Variants in ITM2C observed in about 807,000 individuals in gnomAD.
ITM2C encodes integral membrane protein 2C.
ITM2C carries 20 observed loss-of-function variants against 30.0 expected under a neutral mutation model. That is an observed-to-expected ratio of 0.67 (90% CI 0.47 to 0.97). The LOEUF (loss-of-function observed/expected upper bound fraction) is 0.97. ITM2C is among the 50% of genes least tolerant of loss of function. ITM2C has a pLI of 0.00. For synonymous variants in ITM2C, 167 were observed against 156.4 expected, an observed-to-expected ratio of 1.07 and a Z score of -0.51; for missense variants, 366 against 371.9, an observed-to-expected ratio of 0.98 and a Z score of 0.13.
rs1336364380 is a variant in ITM2C, at chr2:230,873,539, A to G, written c.243A>G (p.Arg81=). The G allele has an allele frequency of 6.2e-7, 1 of 1,608,254 alleles. No homozygotes were observed. Among genetic ancestry groups the G allele is most frequent in the Admixed American group, 1.7e-5 (1 of 58,976 alleles). Residue 81 remains arginine, a synonymous_variant, in exon 2 of 6, where the codon AGA becomes AGG. Transcript: ENST00000326427. ...GLVFASVYIY[R]YFFLAQLARD... The stretch of plus-strand genomic sequence containing the variant: ...TGTTCGCCTCTGTCTACATCTACAG[A>G]TACTTCTTCCTTGCGCAGGTGAGGG...
intron 1 of ITM2C, among the ~76,000 whole-genome samples, chr2:230,872,009 G>A (rs1165967124): frequency 1.2e-4 from 18 of 152,244 alleles, no homozygotes; most frequent in Non-Finnish European, 2.9e-5. Context: ...CCCCTCCAGG[G>A]GGAAGGGAGA....
At position 230,877,587 on chromosome 2, in the gene ITM2C, C is replaced by G. The variant is rs576908963; in HGVS notation, c.712+37C>G. On this transcript the variant is annotated intron_variant, in intron 5 of 5. Coordinates refer to ENST00000326427, the MANE Select transcript of ITM2C (RefSeq NM_030926.6). This position sits in a 1 kb window ranked among gnomAD's most constrained non-coding sequence, Gnocchi z 4.8. ...GCTTCACCCACAGTAGCCCCTGTCC[C>G]GTGCCCCAGACCACAGTTATCTTCA... is the stretch of plus-strand genomic sequence containing the variant. The G allele has an allele frequency of 1.2e-6, 2 of 1,609,292 alleles. No homozygotes were observed. Among genetic ancestry groups the G allele is most frequent in the Non-Finnish European group, 1.7e-6 (2 of 1,178,238 alleles).
intron 1 of ITM2C, among the ~76,000 whole-genome samples, chr2:230,868,463 TCA>T (rs10675424): frequency 4.7e-4 from 70 of 150,384 alleles, no homozygotes; most frequent in East Asian, 2.6e-3. Context: ...GTGCCTGCAC[TCA>T]CACACACACA....
chr2:230,866,566 T>C (rs1438935850), intron 1 of ITM2C, among the ~76,000 whole-genome samples: 2 of 152,134 alleles, frequency 1.3e-5, no homozygotes, highest in Non-Finnish European at 2.9e-5. Context: ...CTAGGCGAGG[T>C]TGGGGGTTGC....
chr2:230,870,522 G>A (rs570880647), intron 1 of ITM2C, among the ~76,000 whole-genome samples: 6 of 152,302 alleles, frequency 3.9e-5, no homozygotes, highest in South Asian at 4.1e-4. Context: ...GTGCCCACCC[G>A]CAGTCTAGGT....
chr2:230,871,517 A>T (rs1170737198), intron 1 of ITM2C, among the ~76,000 whole-genome samples: 2 of 152,238 alleles, frequency 1.3e-5, no homozygotes, highest in Non-Finnish European at 2.9e-5. Flanking sequence ...CATGCCCGTC[A>T]CTTGCTGGTG....
Position 230,877,262 on chromosome 2 carries a change from C to A in ITM2C, c.562-138C>A. ...GCAGCACAGGTGCAGGCACCGGGCA[C>A]AGGCAGGAAGTGCCTGAGGACATCA... On this transcript the variant is annotated intron_variant, in intron 4 of 5. Coordinates refer to ENST00000326427, the MANE Select transcript of ITM2C (RefSeq NM_030926.6). This position sits in a 1 kb window ranked among gnomAD's most constrained non-coding sequence, Gnocchi z 4.8. 1.2e-6 allele frequency: 1 copy of A among 829,794 alleles called. No homozygotes were observed. The highest frequency in any genetic ancestry group is 1.9e-6 in the Non-Finnish European group (1 of 523,044). 51.4% of individuals were successfully genotyped at this position (829,794 alleles called of 1,614,324 possible). A position where few individuals can be genotyped will look rare whatever the true frequency, so the allele number is the denominator to read the frequency against.
intron 2 of ITM2C, among the ~76,000 whole-genome samples, chr2:230,874,152 C>T (rs1180483761): frequency 6.6e-6 from 1 of 152,164 alleles, no homozygotes; most frequent in African/African-American, 2.4e-5. Flanking sequence ...AAAGGATAAA[C>T]CTACGTACAA....
Position 230,865,051 on chromosome 2 carries a change from C to T in ITM2C, c.26C>T (p.Ala9Val). Reference sequence around the variant, plus strand: ...ATGGTGAAGATTAGCTTCCAGCCCGCCGTGGCTGGCATCAAGGGCGACAAG... The same window carrying T: ...ATGGTGAAGATTAGCTTCCAGCCCGTCGTGGCTGGCATCAAGGGCGACAAG... MVKISFQPAVAGIKGDKAD... is the reference protein window; with the variant it reads MVKISFQPVVAGIKGDKAD... The change falls in exon 1 of 6, where the codon GCC becomes GTC. Residue 9 changes from alanine to valine, a missense_variant. Physicochemically the swap from Ala to Val is moderately conservative, Grantham distance 64. Coordinates refer to ENST00000326427, the MANE Select transcript of ITM2C (RefSeq NM_030926.6). This position sits in a 1 kb window ranked among gnomAD's most constrained non-coding sequence, Gnocchi z 6.8. 4 of 1,525,198 alleles carry T rather than the reference C, an allele frequency of 2.6e-6. No individual in the cohort carries two copies. 94.5% of individuals were successfully genotyped at this position (1,525,198 alleles called of 1,614,324 possible).
intron 1 of ITM2C, among the ~76,000 whole-genome samples, chr2:230,867,479 G>C (rs902815946): frequency 6.6e-6 from 1 of 152,130 alleles, no homozygotes; most frequent in African/African-American, 2.4e-5. Flanking sequence ...TCTGTGAGCC[G>C]AGGGATGGCA....
chr2:230,877,595 A>T lies in ITM2C; in HGVS notation c.712+45A>T. The T allele has an allele frequency of 6.2e-7, 1 of 1,605,776 alleles. No homozygotes were observed. Among genetic ancestry groups the T allele is most frequent in the Non-Finnish European group, 8.5e-7 (1 of 1,175,652 alleles). ...CACAGTAGCCCCTGTCCCGTGCCCC[A>T]GACCACAGTTATCTTCACGCCTAGC... On this transcript the variant is annotated intron_variant, in intron 5 of 5. Transcript: ENST00000326427. The surrounding 1 kb of genome is among the most constrained non-coding windows in gnomAD (Gnocchi z 4.8).
chr2:230,870,988 C>T (rs1244753918), intron 1 of ITM2C, among the ~76,000 whole-genome samples: 2 of 152,196 alleles, frequency 1.3e-5, no homozygotes, highest in Non-Finnish European at 2.9e-5. Flanking sequence ...CAGCTGTCCA[C>T]AGAGTCAGCC....
intron 1 of ITM2C, 99 bp from the exon 2 acceptor site, chr2:230,873,318 C>T (rs1344264969): frequency 3.4e-5 from 42 of 1,239,640 alleles, no homozygotes; most frequent in Non-Finnish European, 4.3e-5. Flanking sequence ...CCCCAAGACT[C>T]CCTCCGGGCC....
chr2:230,865,016 C>A lies in ITM2C; in HGVS notation c.-10C>A, dbSNP rs1343327719. 1 of 1,480,638 alleles carries A rather than the reference C, an allele frequency of 6.8e-7. No individual in the cohort carries two copies. The highest frequency in any genetic ancestry group is 1.3e-5 in the South Asian group (1 of 76,224). 91.7% of individuals were successfully genotyped at this position (1,480,638 alleles called of 1,614,324 possible). A position where few individuals can be genotyped will look rare whatever the true frequency, so the allele number is the denominator to read the frequency against. ...GAGGCTGCGGGGCGGACGCGCGGGC[C>A]GGCGCAGCCATGGTGAAGATTAGCT... On this transcript the variant is annotated 5_prime_UTR_variant, in exon 1 of 6. Transcript: ENST00000326427. This position sits in a 1 kb window ranked among gnomAD's most constrained non-coding sequence, Gnocchi z 6.8.
chr2:230,868,783 T>TAC (rs1697094545), intron 1 of ITM2C, among the ~76,000 whole-genome samples: 1 of 152,192 alleles, frequency 6.6e-6, no homozygotes, highest in Admixed American at 6.5e-5. Flanking sequence ...AGCTTAGCCC[T>TAC]ACCCCAGTGT....
In ITM2C at chr2:230,873,448, G is replaced by A. The variant is rs147080363; in HGVS notation, c.152G>A (p.Arg51Lys). 6.1e-5 allele frequency: 98 copies of A among 1,605,914 alleles called. No homozygotes were observed. Among genetic ancestry groups the A allele is most frequent in the African/African-American group, 2.9e-4 (22 of 74,696 alleles). Reference sequence around the variant, plus strand: ...CAGCCCCCACAACATCGATCCAAGAGGGGGGGCTCAGTGGGCGGCGTGTGC... The same window carrying A: ...CAGCCCCCACAACATCGATCCAAGAAGGGGGGCTCAGTGGGCGGCGTGTGC... ...EEQPPQHRSK[R>K]GGSVGGVCYL... Residue 51 changes from arginine (R) to lysine (K), a missense_variant, in exon 2 of 6, where the codon AGG becomes AAG. Arg to Lys is a conservative substitution (Grantham distance 26). Coordinates refer to ENST00000326427, the MANE Select transcript of ITM2C (RefSeq NM_030926.6).
intron 1 of ITM2C, among the ~76,000 whole-genome samples, chr2:230,869,284 G>A (rs940906042): frequency 3.3e-5 from 5 of 152,226 alleles, no homozygotes; most frequent in African/African-American, 9.6e-5. Flanking sequence ...TGCCCGTGGG[G>A]CCTGCAGTCT....
intron 2 of ITM2C, among the ~76,000 whole-genome samples, chr2:230,873,840 GA>G (rs1454701008): frequency 6.6e-6 from 1 of 152,222 alleles, no homozygotes; most frequent in Admixed American, 6.5e-5. Flanking sequence ...ATTCTCACCA[GA>G]AACTCAGATC....
At chr2:230,875,325 A>G (rs1697264040) in intron 2 of ITM2C, among the ~76,000 whole-genome samples, 1 of 152,192 alleles carries the variant, frequency 6.6e-6, no homozygotes, top group African/African-American at 2.4e-5. Context: ...ACTGAGGCCC[A>G]GAGAGGTCTG....
Sources: allele counts gnomAD v4.1 joint callset (sites outside exome capture counted in the v4.1 genomes callset), GRCh38; gene constraint gnomAD v4.1.1; non-coding constraint Gnocchi (gnomAD v3.1); transcripts MANE v1.5; gene names NCBI Gene and HGNC (gene_info 2026-07-23, HGNC 2026-07-21).